Variants in GALNT13 observed in about 807,000 individuals in gnomAD.
The protein encoded by GALNT13 is polypeptide N-acetylgalactosaminyltransferase 13.
A neutral mutation model predicts 64.2 loss-of-function variants in GALNT13; 28 were observed. The ratio of observed to expected loss-of-function variants is 0.44; its 90% confidence interval spans 0.32 to 0.60. The LOEUF (loss-of-function observed/expected upper bound fraction) is 0.60. Among genes scored for constraint, GALNT13 ranks in the 20% least tolerant of loss-of-function variants. The probability of loss-of-function intolerance (pLI) is 0.05; values close to 1 mark genes in which losing one functional copy is unlikely to be tolerated. For missense variants in GALNT13, 577 were observed against 669.8 expected, an observed-to-expected ratio of 0.86 and a Z score of 1.53; for synonymous variants, 214 against 224.6, an observed-to-expected ratio of 0.95 and a Z score of 0.42.
At chr2:153,098,035 C>T in the GALNT13 span, among the ~76,000 whole-genome samples, 2 of 152,182 alleles carry the variant, frequency 1.3e-5, no homozygotes, top group Admixed American at 6.5e-5. Context: ...CACTGCACTC[C>T]AGCCTGGGCA....
chr2:154,411,727 G>A (rs901721342), intron 11 of GALNT13, among the ~76,000 whole-genome samples: 6 of 151,514 alleles, frequency 4.0e-5, no homozygotes, highest in Admixed American at 3.3e-4. Context: ...CCTTTTTACC[G>A]CACATTTTTC....
intron 3 of GALNT13, among the ~76,000 whole-genome samples, chr2:153,975,922 C>A (rs538314569): frequency 5.7e-4 from 86 of 152,192 alleles, no homozygotes; most frequent in Non-Finnish European, 8.2e-4. Flanking sequence ...ATAAAAACAT[C>A]ACATTGCACG....
At chr2:153,967,893 A>G (rs1242201295) in intron 3 of GALNT13, among the ~76,000 whole-genome samples, 6 of 152,128 alleles carry the variant, frequency 3.9e-5, no homozygotes, top group Non-Finnish European at 8.8e-5. Context: ...CTTCAGGAGC[A>G]AAGGTCGGGA....
the GALNT13 span, among the ~76,000 whole-genome samples, chr2:153,151,501 A>C: frequency 6.6e-6 from 1 of 152,162 alleles, no homozygotes; most frequent in Non-Finnish European, 1.5e-5. Flanking sequence ...AAGGATTATA[A>C]ATCATGCTGC....
intron 12 of GALNT13, among the ~76,000 whole-genome samples, chr2:154,441,415 A>G (rs1701290881): frequency 6.6e-6 from 1 of 152,110 alleles, no homozygotes; most frequent in Non-Finnish European, 1.5e-5. Flanking sequence ...GGACAAAATT[A>G]TTCTTTGAAA....
the GALNT13 span, among the ~76,000 whole-genome samples, chr2:153,808,524 C>T: frequency 6.6e-6 from 1 of 152,096 alleles, no homozygotes; most frequent in Non-Finnish European, 1.5e-5. Context: ...ATCTTAATAT[C>T]CAGCTCATTC....
At chr2:154,234,292 A>G (rs2105852736) in intron 4 of GALNT13, among the ~76,000 whole-genome samples, 1 of 152,222 alleles carries the variant, frequency 6.6e-6, no homozygotes, top group East Asian at 1.9e-4. Flanking sequence ...TTCATATTAT[A>G]AGAATATTAT....
chr2:154,175,565 G>A (rs1319904139), intron 4 of GALNT13, among the ~76,000 whole-genome samples: 1 of 152,112 alleles, frequency 6.6e-6, no homozygotes, highest in African/African-American at 2.4e-5. Context: ...TTACCAAGCT[G>A]TTTGGGGATT....
At chr2:154,155,903 C>G (rs1009063197) in intron 4 of GALNT13, among the ~76,000 whole-genome samples, 6 of 151,716 alleles carry the variant, frequency 4.0e-5, no homozygotes, top group African/African-American at 1.5e-4. Flanking sequence ...AATGGTTATA[C>G]TTTTAGGATA....
intron 11 of GALNT13, among the ~76,000 whole-genome samples, chr2:154,418,405 T>G (rs1020574104): frequency 4.6e-5 from 7 of 152,280 alleles, no homozygotes; most frequent in African/African-American, 1.7e-4. Context: ...GAGATAATCT[T>G]GTGTTATCTA....
intron 3 of GALNT13, among the ~76,000 whole-genome samples, chr2:154,125,047 A>G (rs1682176591): frequency 6.6e-6 from 1 of 152,154 alleles, no homozygotes; most frequent in African/African-American, 2.4e-5. Context: ...AGTGAGCACA[A>G]GGGGCTTTCT....
At chr2:153,564,186 G>A in the GALNT13 span, among the ~76,000 whole-genome samples, 1 of 141,334 alleles carries the variant, frequency 7.1e-6, no homozygotes. Flanking sequence ...GATGTCCATG[G>A]ATTTTTTATA....
rs1701840894 is a variant in GALNT13, at chr2:154,450,674, A to G, written c.*123A>G. The G allele has an allele frequency of 1.2e-6, 1 of 841,120 alleles. No individual in the cohort carries two copies. The highest frequency in any genetic ancestry group is 2.9e-5 in the East Asian group (1 of 35,048). 52.1% of individuals were successfully genotyped at this position (841,120 alleles called of 1,614,324 possible). ...AAATCCTTTTAGTATTCTAAAACAC[A>G]ATTGTTTCTAATTCGTTTCTAGAAA... is the stretch of plus-strand genomic sequence containing the variant. On this transcript the variant is annotated 3_prime_UTR_variant, in exon 13 of 13. Transcript: ENST00000392825.
intron 9 of GALNT13, among the ~76,000 whole-genome samples, chr2:154,351,251 T>G (rs1480288531): frequency 6.6e-6 from 1 of 152,056 alleles, no homozygotes; most frequent in African/African-American, 2.4e-5. Context: ...AAAGCTTGAT[T>G]TTATTATGTT....
At chr2:153,487,361 G>A in the GALNT13 span, among the ~76,000 whole-genome samples, 1 of 152,184 alleles carries the variant, frequency 6.6e-6, no homozygotes, top group Admixed American at 6.6e-5. Flanking sequence ...GGATGTCGTT[G>A]GGCCAGTCGC....
chr2:153,148,891 C>G, the GALNT13 span, among the ~76,000 whole-genome samples: 1 of 151,732 alleles, frequency 6.6e-6, no homozygotes, highest in Non-Finnish European at 1.5e-5. Flanking sequence ...AATTTTGTTA[C>G]TGAAACAGTC....
chr2:153,706,060 G>A, the GALNT13 span, among the ~76,000 whole-genome samples: 2 of 151,898 alleles, frequency 1.3e-5, no homozygotes, highest in South Asian at 2.1e-4. Flanking sequence ...GCAGTGGTGC[G>A]ATCTTGGCTT....
chr2:153,930,887 G>C (rs1034370759), intron 2 of GALNT13, among the ~76,000 whole-genome samples: 1 of 152,042 alleles, frequency 6.6e-6, no homozygotes, highest in African/African-American at 2.4e-5. Flanking sequence ...GATAGGAATG[G>C]TATTGAATCT....
the GALNT13 span, among the ~76,000 whole-genome samples, chr2:153,593,440 G>T: frequency 6.6e-6 from 1 of 152,096 alleles, no homozygotes; most frequent in Non-Finnish European, 1.5e-5. Flanking sequence ...TTCAAGTAGC[G>T]TGTGAGCTCA....
Sources: gnomAD v4.1 joint callset for allele counts (sites outside exome capture counted in the v4.1 genomes callset) on GRCh38, gnomAD v4.1.1 for gene constraint, MANE v1.5 for transcripts, NCBI Gene and HGNC (gene_info 2026-07-23, HGNC 2026-07-21) for gene names.